NAA11: variants seen among roughly 807,000 people sequenced by gnomAD.
NAA11 encodes N-alpha-acetyltransferase 11, NatA catalytic subunit, also known as N-alpha-acetyltransferase 11.
A neutral mutation model predicts 16.1 loss-of-function variants in NAA11; 15 were observed. The ratio of observed to expected loss-of-function variants is 0.93; its 90% CI spans 0.62 to 1.44. NAA11 has a LOEUF of 1.44. Among genes scored for constraint, NAA11 ranks in the 40% most tolerant of loss-of-function variants. The pLI is 0.00. For missense variants in NAA11, 298 were observed against 291.3 expected (o/e 1.02, Z -0.17); for synonymous variants, 122 against 112.4 (o/e 1.09, Z -0.54).
the NAA11 span, among the ~76,000 whole-genome samples, chr4:79,189,240 G>C: frequency 9.9e-4 from 149 of 151,116 alleles, no homozygotes; most frequent in Middle Eastern, 0.017. Context: ...CAGTGAACTA[G>C]AGAGATTTGA....
intron 1 of NAA11, among the ~76,000 whole-genome samples, chr4:79,294,436 A>G (rs17441599): frequency 0.043 from 6,541 of 152,326 alleles, 177 homozygotes; most frequent in East Asian, 0.078. Flanking sequence ...TGAAGTTTAT[A>G]TACACATTGC....
At chr4:79,217,006 T>C in the NAA11 span, among the ~76,000 whole-genome samples, 14 of 152,250 alleles carry the variant, frequency 9.2e-5, no homozygotes, top group Non-Finnish European at 1.5e-5. Flanking sequence ...TGTACATTAA[T>C]GACAGAAAGT....
chr4:79,247,856 G>GA (rs1220522807), intron 2 of NAA11, among the ~76,000 whole-genome samples: 4 of 152,136 alleles, frequency 2.6e-5, no homozygotes, highest in Non-Finnish European at 5.9e-5. Context: ...GACCCCCACA[G>GA]ACACTTGAAC....
chr4:79,282,535 T>C (rs1307332398), intron 2 of NAA11, among the ~76,000 whole-genome samples: 1 of 152,202 alleles, frequency 6.6e-6, no homozygotes. Flanking sequence ...GGAAAGGTTT[T>C]CTAAATGTTT....
chr4:79,254,230 A>G (rs1722054013), intron 2 of NAA11, among the ~76,000 whole-genome samples: 1 of 152,264 alleles, frequency 6.6e-6, no homozygotes, highest in South Asian at 2.1e-4. Context: ...TGTCCATCAC[A>G]AAGGGGGTCC....
At chr4:79,183,449 GT>G in the NAA11 span, among the ~76,000 whole-genome samples, 2 of 123,928 alleles carry the variant, frequency 1.6e-5, no homozygotes, top group African/African-American at 5.4e-5. Flanking sequence ...TGTTTTGTTT[GT>G]TTTAGTGAGT....
At chr4:79,267,604 C>T (rs141244717) in intron 2 of NAA11, among the ~76,000 whole-genome samples, 1 of 152,186 alleles carries the variant, frequency 6.6e-6, no homozygotes, top group African/African-American at 2.4e-5. Flanking sequence ...ACTGCAAATA[C>T]AAGTCCCCTA....
intron 1 of NAA11, among the ~76,000 whole-genome samples, chr4:79,306,081 C>A (rs10857087): frequency 0.58 from 88,157 of 152,054 alleles, 25,887 homozygotes; most frequent in East Asian, 0.85. Context: ...TTCACAGCCA[C>A]AGTTCAAGCA....
chr4:79,280,725 T>C (rs1267001507), intron 2 of NAA11, among the ~76,000 whole-genome samples: 4 of 152,080 alleles, frequency 2.6e-5, no homozygotes, highest in Non-Finnish European at 1.5e-5. Flanking sequence ...TTTTTGTGTA[T>C]ATCCAGCAAC....
chr4:79,246,236 C>T (rs1721819811), intron 2 of NAA11, among the ~76,000 whole-genome samples: 1 of 152,020 alleles, frequency 6.6e-6, no homozygotes, highest in African/African-American at 2.4e-5. Context: ...ACAAACACTG[C>T]GGAAGGCTGC....
At chr4:79,178,882 C>G in the NAA11 span, among the ~76,000 whole-genome samples, 1 of 152,052 alleles carries the variant, frequency 6.6e-6, no homozygotes, top group Non-Finnish European at 1.5e-5. Context: ...AAAAGCATTA[C>G]AGGGAGAAAG....
chr4:79,231,507 C>T (rs1057192038), intron 2 of NAA11, among the ~76,000 whole-genome samples: 4 of 151,880 alleles, frequency 2.6e-5, no homozygotes, highest in African/African-American at 9.7e-5. Context: ...AGGGACACAG[C>T]CTTTTCCAAA....
chr4:79,208,805 C>T, the NAA11 span, among the ~76,000 whole-genome samples: 1 of 150,124 alleles, frequency 6.7e-6, no homozygotes, highest in Non-Finnish European at 1.5e-5. Flanking sequence ...TGAAGGAATT[C>T]CAGCTAAAAC....
At chr4:79,230,573 A>G (rs940249830) in intron 2 of NAA11, among the ~76,000 whole-genome samples, 7 of 152,152 alleles carry the variant, frequency 4.6e-5, no homozygotes, top group Admixed American at 1.3e-4. Flanking sequence ...TATGAAAGAT[A>G]GCTAAAAATG....
At chr4:79,266,550 C>G (rs896805693) in intron 2 of NAA11, among the ~76,000 whole-genome samples, 8 of 152,222 alleles carry the variant, frequency 5.3e-5, no homozygotes, top group African/African-American at 1.7e-4. Flanking sequence ...GTTTGGCGTG[C>G]TGGTCCTTGC....
intron 2 of NAA11, among the ~76,000 whole-genome samples, chr4:79,249,557 A>G (rs914637717): frequency 1.2e-4 from 18 of 152,202 alleles, no homozygotes; most frequent in Non-Finnish European, 8.8e-5. Flanking sequence ...CAGTCAGACA[A>G]ATATAAAGAA....
At chr4:79,252,536 G>GA (rs1004508601) in intron 2 of NAA11, among the ~76,000 whole-genome samples, 20 of 150,586 alleles carry the variant, frequency 1.3e-4, no homozygotes, top group Non-Finnish European at 1.9e-4. Flanking sequence ...ATGCTTTCAA[G>GA]AAAAAAAAAC....
chr4:79,193,018 A>C, the NAA11 span, among the ~76,000 whole-genome samples: 6 of 152,178 alleles, frequency 3.9e-5, no homozygotes, highest in South Asian at 1.2e-3. Flanking sequence ...TGGCTGCATA[A>C]ATGTCTTCTT....
the NAA11 span, among the ~76,000 whole-genome samples, chr4:79,196,979 A>AAAAAAAAG: frequency 8.0e-4 from 100 of 125,614 alleles, no homozygotes; most frequent in African/African-American, 1.5e-3. Context: ...AAAAAAAAAA[A>AAAAAAAAG]AAAGAAAGAA....
Sources: allele counts gnomAD v4.1 joint callset (sites outside exome capture counted in the v4.1 genomes callset), GRCh38; gene constraint gnomAD v4.1.1; transcripts MANE v1.5; gene names NCBI Gene and HGNC (gene_info 2026-07-23, HGNC 2026-07-21).